The following SORBS2 variants were observed in gnomAD, a reference collection of about 807,000 sequenced individuals.
The protein encoded by SORBS2 is sorbin and SH3 domain-containing protein 2.
Under a neutral mutation model 97.7 loss-of-function variants are expected in SORBS2, and 46 were observed. The observed-to-expected ratio is 0.47, with a 90% CI of 0.37 to 0.60. The LOEUF is 0.60. SORBS2 is among the 20% of genes least tolerant of loss of function. The pLI is 0.00. For missense variants in SORBS2, 1,316 were observed against 1,282.3 expected (o/e 1.03, Z -0.40); for synonymous variants, 476 against 473.4 (o/e 1.01, Z -0.07).
chr4:185,667,171 G>A (rs893499422), intron 4 of SORBS2, among the ~76,000 whole-genome samples: 4 of 152,296 alleles, frequency 2.6e-5, no homozygotes, highest in African/African-American at 7.2e-5. Context: ...ACTTTTTGGA[G>A]GGGATGTTTG....
rs531534587 is a variant in SORBS2, at chr4:185,820,267, C to T, written c.-337-44901G>A. ...GTCATCAGTGGGAACTTATCGCAGG[C>T]TCCCTGCAACCTCACCTGGACAGCG... On this transcript the variant is annotated intron_variant, in intron 1 of 20. Coordinates refer to the SORBS2 transcript ENST00000284776. Among the ~76,000 whole-genome samples the T allele has an allele frequency of 3.3e-5, 5 of 152,318 alleles. No homozygotes were observed. In the South Asian group the frequency reaches 1.0e-3, roughly 32 times the overall value.
chr4:185,725,515 A>C (rs1254625695), intron 2 of SORBS2, among the ~76,000 whole-genome samples: 1 of 152,212 alleles, frequency 6.6e-6, no homozygotes. Flanking sequence ...CCTCACCTAT[A>C]AACTTGGGAG....
chr4:185,804,320 C>G (rs1228936400), intron 1 of SORBS2, among the ~76,000 whole-genome samples: 1 of 152,194 alleles, frequency 6.6e-6, no homozygotes, highest in African/African-American at 2.4e-5. Context: ...CTCAGCCATC[C>G]TTCGTTCACT....
exon 15 of SORBS2, chr4:185,586,728 T>G (rs553087957): frequency 1.6e-4 from 24 of 152,778 alleles, no homozygotes; most frequent in African/African-American, 5.5e-4. Flanking sequence ...TCTGTTAGAA[T>G]AATTCTTTGC....
chr4:185,805,669 C>T (rs2099150216), intron 1 of SORBS2, among the ~76,000 whole-genome samples: 1 of 152,186 alleles, frequency 6.6e-6, no homozygotes, highest in South Asian at 2.1e-4. Context: ...TGTAGCAGAG[C>T]AACCAAGCAG....
In SORBS2 at chr4:185,697,687, C is replaced by T. The variant is rs7678269; in HGVS notation, c.-197-18865G>A. ...ATGGAAAGAGATGTCTATAAAATGT[C>T]ACATAACAAATTGTGTGACAAATTG... On this transcript the variant is annotated intron_variant, in intron 2 of 20. Coordinates refer to the SORBS2 transcript ENST00000284776. 1.0e-2 allele frequency among the ~76,000 whole-genome samples: 1,522 copies of T among 152,232 alleles called. 23 individuals are homozygous for T. The highest frequency in any genetic ancestry group is 0.035 in the African/African-American group (1,461 of 41,538).
chr4:185,876,119 T>G (rs938537233), intron 1 of SORBS2, among the ~76,000 whole-genome samples: 3 of 112,696 alleles, frequency 2.7e-5, no homozygotes, highest in East Asian at 2.0e-4. Flanking sequence ...AATTTTTTTG[T>G]TTTTTTTTGA....
At chr4:185,713,337 G>A (rs887373014) in intron 2 of SORBS2, among the ~76,000 whole-genome samples, 1 of 152,164 alleles carries the variant, frequency 6.6e-6, no homozygotes, top group Non-Finnish European at 1.5e-5. Context: ...ATAAAATGCA[G>A]TCCTCCATGT....
intron 2 of SORBS2, chr4:185,770,975 C>CTTTTTTTTTTTTTTTTTTTTTT (rs747070975): frequency 1.4e-5 from 1 of 72,728 alleles, no homozygotes; most frequent in Admixed American, 1.9e-4. Flanking sequence ...TCATCGTTTC[C>CTTTTTTTTTTTTTTTTTTTTTT]TTTTTTTTTT....
At chr4:185,907,161 T>C (rs1246260618) in intron 1 of SORBS2, among the ~76,000 whole-genome samples, 1 of 149,266 alleles carries the variant, frequency 6.7e-6, no homozygotes, top group Non-Finnish European at 1.5e-5. Context: ...AAAAGAGGAA[T>C]GATTGGGAAG....
At chr4:185,808,747 C>A (rs977645366) in intron 1 of SORBS2, among the ~76,000 whole-genome samples, 1 of 152,124 alleles carries the variant, frequency 6.6e-6, no homozygotes, top group Non-Finnish European at 1.5e-5. Context: ...AGTTCACGAC[C>A]TTTACTTTCT....
chr4:185,945,425 GT>G, intron 1 of SORBS2, among the ~76,000 whole-genome samples: 1 of 152,244 alleles, frequency 6.6e-6, no homozygotes, highest in African/African-American at 2.4e-5. Flanking sequence ...TAGGTCAAGG[GT>G]AGGCACATTT....
intron 2 of SORBS2, among the ~76,000 whole-genome samples, chr4:185,770,449 T>G (rs2098963693): frequency 2.0e-5 from 3 of 152,218 alleles, no homozygotes; most frequent in South Asian, 4.1e-4. Context: ...CTCAAAACGT[T>G]GCAGATTTTG....
intron 1 of SORBS2, among the ~76,000 whole-genome samples, chr4:185,836,205 C>T (rs1025494932): frequency 1.3e-5 from 2 of 152,036 alleles, no homozygotes; most frequent in Non-Finnish European, 2.9e-5. Flanking sequence ...AATCATGGAG[C>T]GTTTTACAGA....
intron 7 of SORBS2, among the ~76,000 whole-genome samples, chr4:185,621,398 C>T (rs1198438324): frequency 2.0e-5 from 3 of 152,072 alleles, no homozygotes; most frequent in African/African-American, 4.8e-5. Context: ...CTTTTAAATG[C>T]ATTTCAAAGC....
At chr4:185,777,791 A>AG (rs1339189609) in intron 1 of SORBS2, among the ~76,000 whole-genome samples, 1 of 151,990 alleles carries the variant, frequency 6.6e-6, no homozygotes, top group Admixed American at 6.6e-5. Context: ...TTATACAAAA[A>AG]AAAAAGGTGA....
chr4:185,648,554 A>G (rs950238947), intron 3 of SORBS2, among the ~76,000 whole-genome samples: 3 of 151,830 alleles, frequency 2.0e-5, no homozygotes, highest in Non-Finnish European at 4.4e-5. Flanking sequence ...AATTACTCTT[A>G]ATGGTACAAT....
At chr4:185,678,312 C>T in intron 4 of SORBS2, 111 bp downstream of exon 7, 1 of 959,956 alleles carries the variant, frequency 1.0e-6, no homozygotes, top group Non-Finnish European at 1.4e-6. Flanking sequence ...AAAGCAAAAA[C>T]ATATTAAAAA....
intron 3 of SORBS2, among the ~76,000 whole-genome samples, chr4:185,648,238 C>A (rs1176468145): frequency 6.6e-6 from 1 of 152,018 alleles, no homozygotes; most frequent in East Asian, 1.9e-4. Flanking sequence ...CTGGGACTGG[C>A]TGGGTGCAGT....
Sources: allele counts gnomAD v4.1 joint callset (sites outside exome capture counted in the v4.1 genomes callset), GRCh38; gene constraint gnomAD v4.1.1; transcripts MANE v1.5; gene names NCBI Gene and HGNC (gene_info 2026-07-23, HGNC 2026-07-21).